Variants in CFDP1 observed in about 807,000 individuals in gnomAD.
CFDP1 encodes the protein heterochromatin-stabilizing protein CFDP1.
A neutral mutation model predicts 40.1 loss-of-function variants in CFDP1; 31 were observed. The observed-to-expected ratio is 0.77, with a 90% CI of 0.58 to 1.04. CFDP1 has a LOEUF of 1.04. CFDP1 is among the 50% of genes least tolerant of loss of function. CFDP1 has a pLI of 0.00. For missense variants in CFDP1, 423 were observed against 343.4 expected (o/e 1.23, Z -1.83); for synonymous variants, 167 against 120.0 (o/e 1.39, Z -2.56).
chr16:75,422,817 G>A (rs1210345342), intron 1 of CFDP1, among the ~76,000 whole-genome samples: 4 of 151,928 alleles, frequency 2.6e-5, no homozygotes, highest in African/African-American at 9.7e-5. Flanking sequence ...CTGCACTCCA[G>A]CCTGGGTGAC....
At chr16:75,354,735 G>C (rs954527600) in intron 5 of CFDP1, among the ~76,000 whole-genome samples, 1 of 152,186 alleles carries the variant, frequency 6.6e-6, no homozygotes, top group Non-Finnish European at 1.5e-5. Context: ...ATGCAACAGG[G>C]TATCCGCAAC....
intron 5 of CFDP1, among the ~76,000 whole-genome samples, chr16:75,364,331 A>G (rs556558938): frequency 1.4e-4 from 21 of 152,306 alleles, no homozygotes; most frequent in African/African-American, 4.8e-4. Flanking sequence ...CCTTTCCCCA[A>G]GACCAACACT....
intron 5 of CFDP1, among the ~76,000 whole-genome samples, chr16:75,377,582 T>C (rs116314083): frequency 0.016 from 2,363 of 152,296 alleles, 60 homozygotes; most frequent in African/African-American, 0.053. Flanking sequence ...AGAAACTAAA[T>C]GTGAGAGAAG....
At chr16:75,370,875 G>C (rs1249112461) in intron 5 of CFDP1, among the ~76,000 whole-genome samples, 3 of 151,948 alleles carry the variant, frequency 2.0e-5, no homozygotes, top group African/African-American at 7.2e-5. Context: ...TTTAAAAAAA[G>C]AATTAAAAAA....
intron 5 of CFDP1, chr16:75,324,870 T>C (rs2078391748): frequency 6.6e-6 from 1 of 152,190 alleles, no homozygotes; most frequent in African/African-American, 2.4e-5. Context: ...TTTGGCGGTT[T>C]CTTTCCCCAC....
At chr16:75,326,935 T>C (rs1951067742) in intron 5 of CFDP1, among the ~76,000 whole-genome samples, 1 of 152,168 alleles carries the variant, frequency 6.6e-6, no homozygotes, top group African/African-American at 2.4e-5. Context: ...TTAGCTCCCA[T>C]AAACCTTTTC....
At chr16:75,393,032 C>T (rs573199836) in intron 5 of CFDP1, among the ~76,000 whole-genome samples, 1 of 152,342 alleles carries the variant, frequency 6.6e-6, no homozygotes, top group African/African-American at 2.4e-5. Context: ...GCATTCAGTG[C>T]CATGATACAT....
intron 5 of CFDP1, 51 bp downstream of exon 5, chr16:75,395,039 A>G: frequency 1.2e-6 from 2 of 1,608,386 alleles, no homozygotes; most frequent in Non-Finnish European, 1.7e-6. Context: ...TTTGCACTGA[A>G]AGCTTCTCCA....
In CFDP1 at chr16:75,433,436, C is replaced by G. The variant is rs184552789; in HGVS notation, c.-84G>C. On this transcript the variant is annotated 5_prime_UTR_variant, in exon 1 of 7. Coordinates refer to ENST00000283882, the MANE Select transcript of CFDP1 (RefSeq NM_006324.3). Reference sequence around the variant, plus strand: ...AAAGCTCTAGGGAGAGACCATAGAGCCCCGGCGGCGGCGACGGCAGCTAGG... The same window carrying G: ...AAAGCTCTAGGGAGAGACCATAGAGGCCCGGCGGCGGCGACGGCAGCTAGG... The G allele has an allele frequency of 6.4e-6, 9 of 1,408,866 alleles. No homozygotes were observed. In the East Asian group the frequency reaches 2.0e-4, roughly 31 times the overall value. The allele number at this position is 1,408,866 out of a possible 1,614,324, so 87.3% of individuals were successfully genotyped here.
intron 5 of CFDP1, among the ~76,000 whole-genome samples, chr16:75,355,749 G>A (rs1050537829): frequency 6.6e-6 from 1 of 152,122 alleles, no homozygotes; most frequent in African/African-American, 2.4e-5. Context: ...TAAGCATCTG[G>A]CATTTCCCCT....
At chr16:75,365,568 A>G in intron 5 of CFDP1, among the ~76,000 whole-genome samples, 1 of 152,296 alleles carries the variant, frequency 6.6e-6, no homozygotes, top group African/African-American at 2.4e-5. Context: ...AATAAGATAC[A>G]CAGTCAGGCA....
intron 5 of CFDP1, among the ~76,000 whole-genome samples, chr16:75,348,735 T>C (rs1714197232): frequency 6.6e-6 from 1 of 152,220 alleles, no homozygotes; most frequent in African/African-American, 2.4e-5. Context: ...CCATGAACAT[T>C]AAATGTCTTT....
chr16:75,351,126 T>G (rs1366298923), intron 5 of CFDP1, among the ~76,000 whole-genome samples: 5 of 152,238 alleles, frequency 3.3e-5, no homozygotes, highest in African/African-American at 1.2e-4. Context: ...ATCTCATCAT[T>G]CCGGTGTTTT....
At chr16:75,329,444 A>T (rs1298955642) in intron 5 of CFDP1, among the ~76,000 whole-genome samples, 1 of 152,220 alleles carries the variant, frequency 6.6e-6, no homozygotes, top group Non-Finnish European at 1.5e-5. Context: ...GATGTTAAAA[A>T]AAAAATCCGT....
chr16:75,308,612 A>G (rs76554932), intron 5 of CFDP1, among the ~76,000 whole-genome samples: 1 of 152,200 alleles, frequency 6.6e-6, no homozygotes, highest in African/African-American at 2.4e-5. Flanking sequence ...AGAATCAGAT[A>G]TTCGCAGAAC....
intron 5 of CFDP1, chr16:75,372,414 T>C (rs1013383389): frequency 6.6e-6 from 1 of 152,174 alleles, no homozygotes; most frequent in Non-Finnish European, 1.5e-5. Context: ...CTCAATAAAA[T>C]GTCAGCTTGC....
chr16:75,421,696 C>T (rs1247648059), intron 1 of CFDP1, among the ~76,000 whole-genome samples: 1 of 152,144 alleles, frequency 6.6e-6, no homozygotes, highest in East Asian at 1.9e-4. Context: ...CCTGTATTTC[C>T]TCATTTTATG....
intron 5 of CFDP1, among the ~76,000 whole-genome samples, chr16:75,318,240 T>TC (rs1380718408): frequency 6.6e-6 from 1 of 152,062 alleles, no homozygotes; most frequent in Non-Finnish European, 1.5e-5. Flanking sequence ...CCACACACTC[T>TC]CATGAACATT....
At chr16:75,423,897 G>C (rs1274683096) in intron 1 of CFDP1, among the ~76,000 whole-genome samples, 4 of 152,126 alleles carry the variant, frequency 2.6e-5, no homozygotes, top group Non-Finnish European at 5.9e-5. Flanking sequence ...GCAGTTGGTT[G>C]AATCCATGGC....
Sources: gnomAD v4.1 joint callset for allele counts (sites outside exome capture counted in the v4.1 genomes callset) on GRCh38, gnomAD v4.1.1 for gene constraint, MANE v1.5 for transcripts, NCBI Gene and HGNC (gene_info 2026-07-23, HGNC 2026-07-21) for gene names.